Variants in UBE3A observed in about 807,000 individuals in gnomAD.
The protein encoded by UBE3A is ubiquitin-protein ligase E3A.
UBE3A carries 6 observed loss-of-function variants against 83.4 expected under a neutral mutation model. The ratio of observed to expected loss-of-function variants is 0.07; its 90% CI spans 0.04 to 0.14. The LOEUF is 0.14. Ranked by LOEUF, UBE3A falls within the 10% of genes least tolerant of loss-of-function variation. The pLI, the probability that UBE3A is intolerant of heterozygous loss-of-function variation, is 1.00. For missense variants in UBE3A, 456 were observed against 1,036.1 expected (o/e 0.44, Z 7.69); for synonymous variants, 337 against 355.4 (o/e 0.95, Z 0.58).
At chr15:25,406,524 AAT>A (rs1304696326) in intron 3 of UBE3A, among the ~76,000 whole-genome samples, 2 of 152,132 alleles carry the variant, frequency 1.3e-5, no homozygotes, top group Non-Finnish European at 2.9e-5. Flanking sequence ...GAGTCAATAT[AAT>A]ATTGATTTCT....
chr15:25,410,860 C>T (rs911160306), intron 2 of UBE3A, among the ~76,000 whole-genome samples: 13 of 152,146 alleles, frequency 8.5e-5, no homozygotes, highest in Admixed American at 8.5e-4. Context: ...CACCACCTTC[C>T]CTAAAATAAA....
At chr15:25,407,352 TGAG>T in intron 3 of UBE3A, 8 of 849,538 alleles carry the variant, frequency 9.4e-6, no homozygotes, top group Non-Finnish European at 1.2e-5. Context: ...AGGGAAAAAA[TGAG>T]GACATGATGA....
rs374601913 is a variant in UBE3A, at chr15:25,356,713, C to T, written c.1937G>A (p.Arg646His). 3.1e-6 allele frequency: 5 copies of T among 1,613,036 alleles called. No homozygotes were observed. The highest frequency in any genetic ancestry group is 1.7e-5 in the Admixed American group (1 of 59,992). The change falls in exon 8 of 13, where the codon CGT becomes CAT. Residue 646 changes from arginine to histidine, a missense_variant. Around this residue, in one of 13 missense-constraint regions of UBE3A, gnomAD observed 18 missense variants for 17.6 expected, o/e 1.02. Coordinates refer to ENST00000648336, the MANE Select transcript of UBE3A (RefSeq NM_130839.5). ...RKLMGKKGTF[R>H]DLGDSHPVLY... ...TACTGGGTGAGAGTCTCCCAAGTCA[C>T]GAAAAGTTCCTTTTTTCCCCATTAG... is the stretch of plus-strand genomic sequence containing the variant.
At position 25,371,697 on chromosome 15, in the gene UBE3A, T is replaced by C. The variant is rs28528079; in HGVS notation, c.477A>G (p.Ala159=). ...VIGRVFSSAE[A]LVQSFRKVKQ... ...TAACTTTCCGGAAGCTCTGTACCAA[T>C]GCCTCAGCACTAGAAAAAACTCTTC... The change falls in exon 6 of 13, where the codon GCA becomes GCG. Residue 159 remains alanine, a synonymous_variant. Coordinates refer to ENST00000648336, the MANE Select transcript of UBE3A (RefSeq NM_130839.5). This position sits in a 1 kb window ranked among gnomAD's most constrained non-coding sequence, Gnocchi z 5.3. 1.2e-6 allele frequency: 2 copies of C among 1,613,998 alleles called. No homozygotes were observed. Among genetic ancestry groups the C allele is most frequent in the Non-Finnish European group, 8.5e-7 (1 of 1,180,004 alleles).
chr15:25,364,036 TAATAAATA>T (rs370238150), intron 6 of UBE3A, among the ~76,000 whole-genome samples: 105 of 137,626 alleles, frequency 7.6e-4, no homozygotes, highest in South Asian at 4.7e-3. Context: ...TACAAAAAAC[TAATAAATA>T]AATAAATAAA....
chr15:25,437,978 C>T (rs542967375), intron 1 of UBE3A: 2 of 152,448 alleles, frequency 1.3e-5, no homozygotes, highest in East Asian at 3.9e-4. Flanking sequence ...AACCTGTGCG[C>T]ACAACCCTTG....
intron 2 of UBE3A, 48 bp from the exon 3 acceptor site, chr15:25,409,255 C>G: frequency 1.8e-6 from 1 of 567,276 alleles, no homozygotes; most frequent in Non-Finnish European, 3.1e-6. Context: ...ATATATAAAC[C>G]CAATTCATTG....
chr15:25,367,198 CATATTTGTAAATATGT>C (rs1566940438), intron 6 of UBE3A, among the ~76,000 whole-genome samples: 11 of 108,930 alleles, frequency 1.0e-4, no homozygotes, highest in African/African-American at 3.8e-4. Flanking sequence ...TAAATATTTA[CATATTTGTAAATATGT>C]AAATATTTAC....
chr15:25,437,955 GGTAACACAGA>G (rs1439602265), intron 1 of UBE3A: 1 of 152,274 alleles, frequency 6.6e-6, no homozygotes, highest in Admixed American at 6.5e-5. Flanking sequence ...CCTGGTGGCC[GGTAACACAGA>G]GTAACCTGTG....
chr15:25,343,426 A>T (rs1057394474), intron 11 of UBE3A, among the ~76,000 whole-genome samples: 3 of 152,198 alleles, frequency 2.0e-5, no homozygotes, highest in Admixed American at 6.5e-5. Flanking sequence ...CATCTTAAAT[A>T]AAAATAAGAA....
chr15:25,342,030 A>G (rs58419206), intron 11 of UBE3A, among the ~76,000 whole-genome samples: 11,145 of 152,178 alleles, frequency 0.073, 826 homozygotes, highest in East Asian at 0.42. Context: ...TCCACCAGTC[A>G]GCAAGAGAAA....
At chr15:25,363,660 C>A (rs1272866504) in intron 6 of UBE3A, among the ~76,000 whole-genome samples, 1 of 152,092 alleles carries the variant, frequency 6.6e-6, no homozygotes, top group Non-Finnish European at 1.5e-5. Flanking sequence ...TCAATGACGA[C>A]CAAAAATTTT....
chr15:25,437,461 A>G (rs11161177), intron 1 of UBE3A, among the ~76,000 whole-genome samples: 6 of 152,158 alleles, frequency 3.9e-5, no homozygotes, highest in African/African-American at 1.4e-4. Context: ...CCCAAAAAAA[A>G]CTGTAATAAT....
rs576936330 is a variant in UBE3A at position 25,422,394 on chromosome 15, G to A, written c.-164-10423C>T. Among the ~76,000 whole-genome samples the A allele has an allele frequency of 7.9e-5, 12 of 152,130 alleles. No individual in the cohort carries two copies. The South Asian group carries it at 1.7e-3, about 21-fold the overall frequency. On this transcript the variant is annotated intron_variant, in intron 1 of 12. Transcript: ENST00000648336. ...CAATAAAACTATATAGTTAAAATGG[G>A]TGCATTTCATTGTGTATCAATTATA...
At chr15:25,369,864 G>A (rs764486076) in intron 6 of UBE3A, among the ~76,000 whole-genome samples, 43 of 152,186 alleles carry the variant, frequency 2.8e-4, no homozygotes, top group Non-Finnish European at 5.6e-4. Flanking sequence ...ATGAGTACCT[G>A]AGTTTCCAGT....
At chr15:25,408,947 A>C in intron 3 of UBE3A, 141 bp downstream of exon 3, 1 of 869,488 alleles carries the variant, frequency 1.2e-6, no homozygotes, top group Non-Finnish European at 1.7e-6. Context: ...TATTTTAAGG[A>C]GATTAAATGA....
At chr15:25,357,689 C>T (rs1396367422) in intron 7 of UBE3A, 1 of 151,924 alleles carries the variant, frequency 6.6e-6, no homozygotes, top group East Asian at 1.9e-4. Flanking sequence ...TTCGTTTTTT[C>T]AAAATTAGAC....
chr15:25,435,954 C>T (rs1284276459), intron 1 of UBE3A, among the ~76,000 whole-genome samples: 1 of 152,190 alleles, frequency 6.6e-6, no homozygotes, highest in Non-Finnish European at 1.5e-5. Context: ...TTATTGAGTG[C>T]CTACGTGTTA....
intron 11 of UBE3A, among the ~76,000 whole-genome samples, chr15:25,350,485 T>C (rs938754539): frequency 1.3e-5 from 2 of 152,174 alleles, no homozygotes; most frequent in African/African-American, 4.8e-5. Context: ...CATACTGCTA[T>C]ATTTTAAGAA....
Sources: allele counts gnomAD v4.1 joint callset (sites outside exome capture counted in the v4.1 genomes callset), GRCh38; gene constraint gnomAD v4.1.1; regional missense constraint gnomAD v4.1.1; non-coding constraint Gnocchi (gnomAD v3.1); transcripts MANE v1.5; gene names NCBI Gene and HGNC (gene_info 2026-07-23, HGNC 2026-07-21).